Variants in PCCA observed in about 807,000 individuals in gnomAD.
PCCA encodes propionyl-CoA carboxylase alpha chain, mitochondrial.
In PCCA, 74 loss-of-function variants were observed where a neutral mutation model predicts 101.3. That is an observed-to-expected ratio of 0.73 (90% CI 0.61 to 0.89). The LOEUF is 0.89. Ranked by LOEUF, PCCA falls within the 40% of genes least tolerant of loss-of-function variation. The pLI is 0.00. For synonymous variants in PCCA, 294 were observed against 313.6 expected (o/e 0.94, Z 0.66); for missense variants, 891 against 907.0 (o/e 0.98, Z 0.23).
intron 12 of PCCA, among the ~76,000 whole-genome samples, chr13:100,292,005 C>T (rs1215533394): frequency 1.3e-5 from 2 of 152,176 alleles, no homozygotes; most frequent in Non-Finnish European, 2.9e-5. Context: ...CTTCCCATGT[C>T]CTCAGCTGCT....
At chr13:100,156,703 A>G (rs2053926965) in intron 5 of PCCA, among the ~76,000 whole-genome samples, 1 of 152,194 alleles carries the variant, frequency 6.6e-6, no homozygotes, top group Admixed American at 6.5e-5. Flanking sequence ...CCACACCTCC[A>G]TTTTAGTTCA....
At chr13:100,331,934 A>ATTTTTTTTTTTT (rs34411352) in intron 17 of PCCA, among the ~76,000 whole-genome samples, 1 of 89,768 alleles carries the variant, frequency 1.1e-5, no homozygotes, top group Non-Finnish European at 2.0e-5. Context: ...ATTACTTTGG[A>ATTTTTTTTTTTT]TTTTTTTTTT....
At chr13:100,480,226 A>G (rs2083779803) in intron 21 of PCCA, 1 of 152,162 alleles carries the variant, frequency 6.6e-6, no homozygotes, top group Admixed American at 6.5e-5. Flanking sequence ...ATTACTACCA[A>G]AAATTAACCC....
chr13:100,241,650 T>C (rs530936), intron 8 of PCCA, among the ~76,000 whole-genome samples: 22,987 of 152,146 alleles, frequency 0.15, 1,857 homozygotes, highest in Middle Eastern at 0.22. Flanking sequence ...TATTTTTTTG[T>C]AGTGGGTTTT....
chr13:100,525,325 T>A (rs1594146064), intron 22 of PCCA, among the ~76,000 whole-genome samples: 1 of 152,208 alleles, frequency 6.6e-6, no homozygotes, highest in Non-Finnish European at 1.5e-5. Flanking sequence ...AATCCGAGGT[T>A]TTTTTCTGAT....
intron 18 of PCCA, among the ~76,000 whole-genome samples, chr13:100,349,112 T>G (rs1344414791): frequency 4.6e-5 from 7 of 151,076 alleles, no homozygotes; most frequent in African/African-American, 1.7e-4. Flanking sequence ...CCGGCTAATT[T>G]TTGTATTTTT....
chr13:100,405,538 T>G (rs544273631), intron 19 of PCCA, among the ~76,000 whole-genome samples: 1 of 152,364 alleles, frequency 6.6e-6, no homozygotes, highest in South Asian at 2.1e-4. Context: ...GACTTTAGTC[T>G]TATTCTTTGC....
chr13:100,418,581 C>G (rs1162025363), intron 19 of PCCA, among the ~76,000 whole-genome samples: 1 of 152,138 alleles, frequency 6.6e-6, no homozygotes, highest in Non-Finnish European at 1.5e-5. Context: ...TGGCTCACAC[C>G]TGTAATCGCA....
chr13:100,323,274 C>T (rs538703087), intron 16 of PCCA, among the ~76,000 whole-genome samples: 42 of 152,168 alleles, frequency 2.8e-4, no homozygotes, highest in Non-Finnish European at 5.9e-4. Context: ...GTTACACTTT[C>T]CAAATAGATA....
chr13:100,263,383 AT>A (rs2062659919), intron 10 of PCCA, among the ~76,000 whole-genome samples: 1 of 152,236 alleles, frequency 6.6e-6, no homozygotes, highest in Non-Finnish European at 1.5e-5. Context: ...TTGATATGTA[AT>A]AGCTAAAATT....
At chr13:100,176,167 T>G (rs1184289700) in intron 6 of PCCA, among the ~76,000 whole-genome samples, 1 of 152,204 alleles carries the variant, frequency 6.6e-6, no homozygotes, top group African/African-American at 2.4e-5. Context: ...TTTGAAAGCT[T>G]GCATAGATCA....
chr13:100,444,201 AAT>A (rs1491505849), intron 20 of PCCA, among the ~76,000 whole-genome samples: 34 of 92,068 alleles, frequency 3.7e-4, no homozygotes, highest in African/African-American at 2.0e-3. Flanking sequence ...ATCAGCCCAC[AAT>A]TTTTTTTTTT....
intron 18 of PCCA, among the ~76,000 whole-genome samples, chr13:100,352,946 G>A (rs1404898218): frequency 1.3e-5 from 2 of 152,222 alleles, no homozygotes; most frequent in South Asian, 4.1e-4. Context: ...CAAATGCCTG[G>A]ACTCAAGTAA....
intron 12 of PCCA, among the ~76,000 whole-genome samples, chr13:100,299,812 C>T (rs2065916412): frequency 6.6e-6 from 1 of 152,080 alleles, no homozygotes; most frequent in African/African-American, 2.4e-5. Context: ...TCCTGGGTTC[C>T]AGCAATTCTC....
At chr13:100,292,001 A>G (rs964116695) in intron 12 of PCCA, among the ~76,000 whole-genome samples, 2 of 152,158 alleles carry the variant, frequency 1.3e-5, no homozygotes, top group Non-Finnish European at 2.9e-5. Context: ...GGTGCTTCCC[A>G]TGTCCTCAGC....
intron 21 of PCCA, among the ~76,000 whole-genome samples, chr13:100,468,427 G>A (rs1424374953): frequency 6.6e-6 from 1 of 152,234 alleles, no homozygotes; most frequent in African/African-American, 2.4e-5. Flanking sequence ...CCAACAGAAG[G>A]CTGTTTTGTC....
chr13:100,527,017 T>C lies in PCCA; in HGVS notation c.2041-658T>C, dbSNP rs573147770. ...GGTACTCGCTGTGTCTTGCAGAGGA[T>C]GGGACAGTGGTCCTCGTGGCGCCAG... On this transcript the variant is annotated intron_variant, in intron 22 of 23. Coordinates refer to ENST00000376285, the MANE Select transcript of PCCA (RefSeq NM_000282.4). 3.3e-5 allele frequency among the ~76,000 whole-genome samples: 5 copies of C among 152,216 alleles called. No individual in the cohort carries two copies. In the East Asian group the frequency reaches 9.7e-4, roughly 29 times the overall value.
chr13:100,421,936 C>T (rs946755660), intron 19 of PCCA, among the ~76,000 whole-genome samples: 19 of 152,038 alleles, frequency 1.2e-4, no homozygotes, highest in African/African-American at 4.3e-4. Flanking sequence ...CCGCCCGCCT[C>T]GGCCTCCCAA....
intron 21 of PCCA, 141 bp from the exon 22 acceptor site, chr13:100,515,286 G>A (rs1021654457): frequency 1.3e-6 from 1 of 751,268 alleles, no homozygotes; most frequent in African/African-American, 1.7e-5. Flanking sequence ...TTTGATGTGT[G>A]CAGCAATTGA....
Sources: gnomAD v4.1 joint callset for allele counts (sites outside exome capture counted in the v4.1 genomes callset) on GRCh38, gnomAD v4.1.1 for gene constraint, MANE v1.5 for transcripts, NCBI Gene and HGNC (gene_info 2026-07-23, HGNC 2026-07-21) for gene names.